Variants in GAS7 observed in about 807,000 individuals in gnomAD.
GAS7 encodes growth arrest-specific protein 7.
Under a neutral mutation model 71.1 loss-of-function variants are expected in GAS7, and 28 were observed. The observed-to-expected ratio is 0.39, with a 90% CI of 0.29 to 0.54. The LOEUF is 0.54. GAS7 is among the 20% of genes least tolerant of loss of function. The pLI, the probability that GAS7 is intolerant of heterozygous loss-of-function variation, is 0.62. For synonymous variants in GAS7, 258 were observed against 245.8 expected (o/e 1.05, Z -0.46); for missense variants, 436 against 627.8 (o/e 0.69, Z 3.27).
At chr17:9,929,626 C>T (rs1047837167) in intron 9 of GAS7, among the ~76,000 whole-genome samples, 3 of 152,106 alleles carry the variant, frequency 2.0e-5, no homozygotes, top group Non-Finnish European at 2.9e-5. Flanking sequence ...AGGCACCCGC[C>T]ACCAAACCTG....
rs756866354 is a variant in GAS7, at chr17:10,019,766, G to A, written c.304+11C>T. 26 of 1,611,610 alleles carry A rather than the reference G, an allele frequency of 1.6e-5. No individual in the cohort carries two copies. In the South Asian group the frequency reaches 2.3e-4, roughly 14 times the overall value. Reference sequence around the variant, plus strand: ...GGGTTGGTGCAGGATTCTCCCCCGAGCGGGACTCACCATTGGTGGTCGTGT... The same window carrying A: ...GGGTTGGTGCAGGATTCTCCCCCGAACGGGACTCACCATTGGTGGTCGTGT... On this transcript the variant is annotated intron_variant, in intron 2 of 13. Coordinates refer to ENST00000432992, the MANE Select transcript of GAS7 (RefSeq NM_201433.2).
At chr17:9,918,136 G>A (rs543813303) in intron 12 of GAS7, 37 bp from the exon 13 acceptor site, 62 of 1,486,610 alleles carry the variant, frequency 4.2e-5, no homozygotes, top group Admixed American at 5.1e-5. Context: ...CTCTGAGCAC[G>A]TCCCCTCCAC....
intron 3 of GAS7, among the ~76,000 whole-genome samples, chr17:9,972,516 G>C (rs1480089802): frequency 6.6e-6 from 1 of 152,166 alleles, no homozygotes; most frequent in Non-Finnish European, 1.5e-5. Context: ...ACAAAAACAA[G>C]GAGGATAAAG....
chr17:10,002,561 T>C (rs1161485995), intron 2 of GAS7, among the ~76,000 whole-genome samples: 1 of 151,932 alleles, frequency 6.6e-6, no homozygotes, highest in Non-Finnish European at 1.5e-5. Context: ...CCCTCCCCCG[T>C]CCCCCCATCC....
chr17:10,049,377 C>A (rs1361252441), intron 1 of GAS7, among the ~76,000 whole-genome samples: 3 of 152,066 alleles, frequency 2.0e-5, no homozygotes, highest in Non-Finnish European at 4.4e-5. Flanking sequence ...TAAAAGCTGT[C>A]CCTGCTTTAG....
chr17:10,098,497 T>G (rs1450023780), intron 1 of GAS7, among the ~76,000 whole-genome samples: 1 of 152,198 alleles, frequency 6.6e-6, no homozygotes, highest in African/African-American at 2.4e-5. Flanking sequence ...AAAGAAGCCT[T>G]TGTTTGCCAA....
At chr17:9,943,890 ACAGCC>A (rs2068697521) in intron 6 of GAS7, among the ~76,000 whole-genome samples, 1 of 152,184 alleles carries the variant, frequency 6.6e-6, no homozygotes, top group South Asian at 2.1e-4. Context: ...TGACGAAATA[ACAGCC>A]CCACCTTCAT....
At chr17:10,126,544 G>GCA (rs140315308) in intron 1 of GAS7, among the ~76,000 whole-genome samples, 53,208 of 95,444 alleles carry the variant, frequency 0.56, 10,243 homozygotes, top group East Asian at 0.65. Flanking sequence ...CACACAAAGA[G>GCA]CGCACACACG....
chr17:10,164,935 G>T (rs1025112814), intron 1 of GAS7, among the ~76,000 whole-genome samples: 2 of 151,566 alleles, frequency 1.3e-5, no homozygotes, highest in Non-Finnish European at 2.9e-5. Context: ...GATCACCTGA[G>T]GTCAGGAGTT....
intron 1 of GAS7, among the ~76,000 whole-genome samples, chr17:10,093,178 C>A (rs1376113950): frequency 1.3e-5 from 2 of 152,200 alleles, no homozygotes; most frequent in Non-Finnish European, 2.9e-5. Flanking sequence ...TTGGACAAGA[C>A]CAACCCCTTG....
intron 9 of GAS7, among the ~76,000 whole-genome samples, chr17:9,931,034 T>C (rs1045740363): frequency 7.9e-5 from 12 of 152,184 alleles, no homozygotes; most frequent in African/African-American, 2.4e-4. Flanking sequence ...CAGTAGCCCA[T>C]TGGCAACCCC....
At chr17:9,962,717 G>C (rs954383760) in intron 4 of GAS7, among the ~76,000 whole-genome samples, 5 of 152,314 alleles carry the variant, frequency 3.3e-5, no homozygotes, top group Middle Eastern at 3.4e-3. Flanking sequence ...AAGACTGCCA[G>C]GGCACAGGAT....
intron 1 of GAS7, among the ~76,000 whole-genome samples, chr17:10,143,542 CAAAAA>C (rs35511428): frequency 7.4e-6 from 1 of 135,800 alleles, no homozygotes; most frequent in Non-Finnish European, 1.6e-5. Context: ...AATTCCGTCT[CAAAAA>C]AAAAAAAAAA....
At position 9,926,892 on chromosome 17, in the gene GAS7, G is replaced by A; in HGVS notation, c.886-123C>T. 5 of 1,007,032 alleles carry A rather than the reference G, an allele frequency of 5.0e-6. No homozygotes were observed. Among genetic ancestry groups the A allele is most frequent in the African/African-American group, 1.6e-5 (1 of 63,130 alleles). The allele number at this position is 1,007,032 out of a possible 1,614,324, so 62.4% of individuals were successfully genotyped here. ...CAAGTGAGGATGAGTCTGGGGTAGCGACCTGGCAGGAAGGTGAGAGACACC... is the reference window on the plus strand; with the variant it reads ...CAAGTGAGGATGAGTCTGGGGTAGCAACCTGGCAGGAAGGTGAGAGACACC... On this transcript the variant is annotated intron_variant, in intron 9 of 13. Transcript: ENST00000432992. This position sits in a 1 kb window ranked among gnomAD's most constrained non-coding sequence, Gnocchi z 5.0.
rs190219627 is a variant in GAS7, at chr17:10,095,547, C to T, written c.184-75650G>A. Among the ~76,000 whole-genome samples, 8 of 152,244 alleles carry T rather than the reference C, an allele frequency of 5.3e-5. No individual in the cohort carries two copies. In the East Asian group the frequency reaches 7.7e-4, roughly 15 times the overall value. On this transcript the variant is annotated intron_variant, in intron 1 of 13. Coordinates refer to ENST00000432992, the MANE Select transcript of GAS7 (RefSeq NM_201433.2). ...ATGTGTAAGTTTCTCAGATCTTGGC[C>T]GCAGTGGCTCATGCCTGTAATCCCA...
chr17:9,965,727 C>T lies in GAS7; in HGVS notation c.471+3950G>A, dbSNP rs143924374. 2.8e-3 allele frequency among the ~76,000 whole-genome samples: 433 copies of T among 152,316 alleles called. 2 individuals carry two copies. The highest frequency in any genetic ancestry group is 9.6e-3 in the African/African-American group (398 of 41,564). ...GCCTTTGATCCCTCGCCTCTGCCCCCGAATCAGGTGGGCTGCATTTACCCA... is the reference window on the plus strand; with the variant it reads ...GCCTTTGATCCCTCGCCTCTGCCCCTGAATCAGGTGGGCTGCATTTACCCA... On this transcript the variant is annotated intron_variant, in intron 4 of 13. Transcript: ENST00000432992.
intron 2 of GAS7, among the ~76,000 whole-genome samples, chr17:10,005,324 T>C (rs1178349159): frequency 5.5e-5 from 8 of 146,570 alleles, no homozygotes; most frequent in East Asian, 2.1e-4. Flanking sequence ...CACACATATA[T>C]ATATACACAC....
chr17:10,198,110 G>T, intron 1 of GAS7, 98 bp downstream of exon 1: 1 of 1,228,290 alleles, frequency 8.1e-7, no homozygotes, highest in South Asian at 1.3e-5. Context: ...GCGCCCCTCC[G>T]ACCGGGACGC....
At chr17:10,126,330 G>A (rs1188713650) in intron 1 of GAS7, among the ~76,000 whole-genome samples, 7 of 114,530 alleles carry the variant, frequency 6.1e-5, no homozygotes, top group South Asian at 3.0e-4. Flanking sequence ...ACACACACAC[G>A]CTCACACACA....
Sources: gnomAD v4.1 joint callset for allele counts (sites outside exome capture counted in the v4.1 genomes callset) on GRCh38, gnomAD v4.1.1 for gene constraint, Gnocchi (gnomAD v3.1) non-coding constraint, MANE v1.5 for transcripts, NCBI Gene and HGNC (gene_info 2026-07-23, HGNC 2026-07-21) for gene names.